SLC44A5: variants seen among roughly 807,000 people sequenced by gnomAD.
The protein encoded by SLC44A5 is choline transporter-like protein 5.
In SLC44A5, 57 loss-of-function variants were observed where a neutral mutation model predicts 101.8. That is an observed-to-expected ratio of 0.56 (90% CI 0.45 to 0.70). SLC44A5 has a LOEUF of 0.70. Ranked by LOEUF, SLC44A5 falls within the 30% of genes least tolerant of loss-of-function variation. The pLI is 0.00. For synonymous variants in SLC44A5, 281 were observed against 290.9 expected (o/e 0.97, Z 0.35); for missense variants, 737 against 853.1 (o/e 0.86, Z 1.70).
At chr1:75,455,517 G>A (rs1347708234) in intron 2 of SLC44A5, among the ~76,000 whole-genome samples, 2 of 152,004 alleles carry the variant, frequency 1.3e-5, no homozygotes, top group Non-Finnish European at 2.9e-5. Context: ...TAACAAGTGA[G>A]AACTAATTAA....
Position 75,339,577 on chromosome 1 carries a change from C to T in SLC44A5, c.101+5G>A, listed in dbSNP as rs1657708933. 8 of 1,599,262 alleles carry T rather than the reference C, an allele frequency of 5.0e-6. No individual in the cohort carries two copies. In the East Asian group the frequency reaches 1.8e-4, roughly 36 times the overall value. On this transcript the variant is annotated splice_donor_5th_base_variant and intron_variant, in intron 4 of 23. Transcript: ENST00000370859. ...AAGCATATTCCCCAAAAAATAATTGCTTACCTGTTGGCAACAGGCCCCTTG... is the reference window on the plus strand; with the variant it reads ...AAGCATATTCCCCAAAAAATAATTGTTTACCTGTTGGCAACAGGCCCCTTG...
chr1:75,602,588 T>C (rs1243769163), intron 1 of SLC44A5, among the ~76,000 whole-genome samples: 1 of 152,072 alleles, frequency 6.6e-6, no homozygotes, highest in Non-Finnish European at 1.5e-5. Context: ...TAGTCACCAA[T>C]ACTCTTTCAG....
At chr1:75,251,162 G>T in intron 7 of SLC44A5, 48 bp downstream of exon 7, 2 of 1,414,196 alleles carry the variant, frequency 1.4e-6, no homozygotes, top group African/African-American at 1.4e-5. Flanking sequence ...TTTTATCCAA[G>T]AATGTTCAGA....
chr1:75,681,559 T>A, the SLC44A5 span, among the ~76,000 whole-genome samples: 28 of 151,056 alleles, frequency 1.9e-4, no homozygotes, highest in Admixed American at 1.3e-4. Context: ...ATTCAACAAC[T>A]CTTCATGCTA....
At chr1:75,241,084 C>CTT (rs35672511) in intron 9 of SLC44A5, among the ~76,000 whole-genome samples, 124,448 of 151,660 alleles carry the variant, frequency 0.82, 51,497 homozygotes, top group East Asian at 1. Context: ...TAAATATTCT[C>CTT]GGTCTTGGAT....
chr1:75,641,106 G>A, the SLC44A5 span, among the ~76,000 whole-genome samples: 1 of 152,060 alleles, frequency 6.6e-6, no homozygotes, highest in Non-Finnish European at 1.5e-5. Flanking sequence ...CTCTCCCAGA[G>A]TTCTTTCCTT....
chr1:75,321,785 T>A (rs1385634952), intron 4 of SLC44A5, among the ~76,000 whole-genome samples: 7 of 152,222 alleles, frequency 4.6e-5, no homozygotes, highest in Non-Finnish European at 4.4e-5. Context: ...GACTTTTTCC[T>A]TTTAAATTTC....
chr1:75,388,642 G>A (rs567595469), intron 3 of SLC44A5, among the ~76,000 whole-genome samples: 121 of 152,208 alleles, frequency 7.9e-4, no homozygotes, highest in Non-Finnish European at 8.1e-4. Flanking sequence ...AGCCAGGCGT[G>A]GTGGCGGGCG....
chr1:75,294,145 G>A (rs183810454), intron 5 of SLC44A5, among the ~76,000 whole-genome samples: 7 of 152,272 alleles, frequency 4.6e-5, no homozygotes, highest in African/African-American at 1.7e-4. Context: ...TTTCCAAGCT[G>A]TGATCTGATA....
chr1:75,678,360 C>T, the SLC44A5 span, among the ~76,000 whole-genome samples: 1 of 152,212 alleles, frequency 6.6e-6, no homozygotes, highest in East Asian at 1.9e-4. Flanking sequence ...TTAAATGTCC[C>T]TGTCTGACAG....
chr1:75,628,251 C>T, the SLC44A5 span, among the ~76,000 whole-genome samples: 1 of 152,226 alleles, frequency 6.6e-6, no homozygotes, highest in Non-Finnish European at 1.5e-5. Flanking sequence ...CAATTTGTTT[C>T]ACTGCTTTCA....
chr1:75,264,422 A>C (rs1650819168), intron 6 of SLC44A5, among the ~76,000 whole-genome samples: 1 of 152,230 alleles, frequency 6.6e-6, no homozygotes, highest in Non-Finnish European at 1.5e-5. Flanking sequence ...GTGTGATTAT[A>C]AAAAATTAAA....
chr1:75,350,079 C>T (rs958325667), intron 3 of SLC44A5, among the ~76,000 whole-genome samples: 1 of 151,914 alleles, frequency 6.6e-6, no homozygotes, highest in Admixed American at 6.6e-5. Context: ...GAAGTCCTAC[C>T]GCGCCCCCCC....
intron 4 of SLC44A5, among the ~76,000 whole-genome samples, chr1:75,320,528 T>C (rs934126584): frequency 1.3e-5 from 2 of 152,104 alleles, no homozygotes; most frequent in African/African-American, 4.8e-5. Context: ...CAAAGATATA[T>C]ACATATTGTG....
Position 75,335,665 on chromosome 1 carries a change from T to G in SLC44A5, c.101+3917A>C, listed in dbSNP as rs193062590. On this transcript the variant is annotated intron_variant, in intron 4 of 23. Transcript: ENST00000370859. ...TAGATATGTTAATAGATTGAATAAA[T>G]GTATCATCAAGCCTTGCTGGACTAG... Among the ~76,000 whole-genome samples the G allele has an allele frequency of 1.5e-3, 223 of 152,310 alleles. 1 individual carries two copies. Among genetic ancestry groups the G allele is most frequent in the Middle Eastern group, 3.4e-3 (1 of 294 alleles).
At chr1:75,634,447 A>T in the SLC44A5 span, among the ~76,000 whole-genome samples, 1 of 151,784 alleles carries the variant, frequency 6.6e-6, no homozygotes, top group African/African-American at 2.4e-5. Context: ...ACAGCATGGT[A>T]CTGGTACCAA....
intron 6 of SLC44A5, among the ~76,000 whole-genome samples, chr1:75,272,082 T>C (rs1651524636): frequency 6.6e-6 from 1 of 152,176 alleles, no homozygotes; most frequent in Non-Finnish European, 1.5e-5. Context: ...TGGGCATTTT[T>C]TCATATGTTT....
chr1:75,308,603 G>A (rs906701568), intron 4 of SLC44A5, among the ~76,000 whole-genome samples: 6 of 152,314 alleles, frequency 3.9e-5, no homozygotes, highest in African/African-American at 1.4e-4. Flanking sequence ...TTATATTACA[G>A]GTGGGGCATT....
chr1:75,467,982 A>G (rs1238752936), intron 2 of SLC44A5, among the ~76,000 whole-genome samples: 1 of 152,160 alleles, frequency 6.6e-6, no homozygotes, highest in African/African-American at 2.4e-5. Flanking sequence ...TCTATAGGAA[A>G]AAAATCTAAT....
Sources: gnomAD v4.1 joint callset for allele counts (sites outside exome capture counted in the v4.1 genomes callset) on GRCh38, gnomAD v4.1.1 for gene constraint, MANE v1.5 for transcripts, NCBI Gene and HGNC (gene_info 2026-07-23, HGNC 2026-07-21) for gene names.